Variants in KIAA1217 observed in about 807,000 individuals in gnomAD.
KIAA1217 encodes the protein sickle tail protein homolog.
A neutral mutation model predicts 163.9 loss-of-function variants in KIAA1217; 88 were observed. That is an observed-to-expected ratio of 0.54 (90% CI 0.45 to 0.64). The LOEUF (loss-of-function observed/expected upper bound fraction) is 0.64, where lower values mean the gene tolerates loss of function less well. Ranked by LOEUF, KIAA1217 falls within the 30% of genes least tolerant of loss-of-function variation. KIAA1217 has a pLI of 0.00. For missense variants in KIAA1217, 2,372 were observed against 2,475.0 expected, an observed-to-expected ratio of 0.96 and a Z score of 0.88; for synonymous variants, 903 against 923.1, an observed-to-expected ratio of 0.98 and a Z score of 0.39.
At chr10:24,099,569 T>TTATATA (rs529207171) in intron 2 of KIAA1217, among the ~76,000 whole-genome samples, 237 of 144,192 alleles carry the variant, frequency 1.6e-3, no homozygotes, top group African/African-American at 4.4e-3. Context: ...CACATTTTCT[T>TTATATA]TATATATATA....
chr10:24,081,458 G>C (rs2061536657), intron 2 of KIAA1217, among the ~76,000 whole-genome samples: 1 of 152,334 alleles, frequency 6.6e-6, no homozygotes, highest in African/African-American at 2.4e-5. Context: ...GATGGCACCT[G>C]CTGAGGATCC....
chr10:24,025,949 A>C (rs992515806), intron 2 of KIAA1217, among the ~76,000 whole-genome samples: 5 of 151,856 alleles, frequency 3.3e-5, no homozygotes, highest in Non-Finnish European at 7.4e-5. Flanking sequence ...CGTTATTTAT[A>C]AATGACAATA....
At chr10:24,289,053 C>A (rs220353) in intron 2 of KIAA1217, among the ~76,000 whole-genome samples, 253 of 152,108 alleles carry the variant, frequency 1.7e-3, no homozygotes, top group African/African-American at 5.4e-3. Context: ...ACTTTTTACG[C>A]TTTTTTCTCT....
At chr10:24,092,940 G>A (rs1487749975) in intron 2 of KIAA1217, among the ~76,000 whole-genome samples, 1 of 150,804 alleles carries the variant, frequency 6.6e-6, no homozygotes, top group African/African-American at 2.5e-5. Flanking sequence ...GTGTGTGTGT[G>A]TGTGTGTGTG....
chr10:24,067,193 C>T (rs974001233), intron 2 of KIAA1217, among the ~76,000 whole-genome samples: 19 of 152,286 alleles, frequency 1.2e-4, no homozygotes, highest in South Asian at 1.0e-3. Flanking sequence ...TGAGGAGCTG[C>T]GTTCCTTTGG....
At chr10:24,303,690 G>A (rs957161926) in intron 2 of KIAA1217, among the ~76,000 whole-genome samples, 1 of 152,176 alleles carries the variant, frequency 6.6e-6, no homozygotes, top group Admixed American at 6.5e-5. Flanking sequence ...GACTACATTC[G>A]AAGTTCCTGT....
At chr10:23,887,773 G>T (rs1232049300) in intron 1 of KIAA1217, among the ~76,000 whole-genome samples, 2 of 151,646 alleles carry the variant, frequency 1.3e-5, no homozygotes, top group African/African-American at 4.8e-5. Flanking sequence ...AAGATGGATT[G>T]CAGTGGCACA....
chr10:24,154,393 C>T (rs1211172884), intron 2 of KIAA1217, among the ~76,000 whole-genome samples: 1 of 152,110 alleles, frequency 6.6e-6, no homozygotes, highest in Admixed American at 6.6e-5. Context: ...CGCCACTGCA[C>T]TCCAGCCTGG....
chr10:23,953,368 C>T (rs1263980282), intron 1 of KIAA1217, among the ~76,000 whole-genome samples: 2 of 152,196 alleles, frequency 1.3e-5, no homozygotes, highest in Admixed American at 6.5e-5. Flanking sequence ...CAGCTTAAGA[C>T]ATTATCTCAA....
At chr10:24,308,631 A>T (rs1209421724) in intron 2 of KIAA1217, among the ~76,000 whole-genome samples, 5 of 152,050 alleles carry the variant, frequency 3.3e-5, no homozygotes, top group Non-Finnish European at 7.4e-5. Context: ...AGCCAGAAAA[A>T]CCTGTGCGTA....
At chr10:24,133,303 T>C (rs1174257078) in intron 2 of KIAA1217, among the ~76,000 whole-genome samples, 3 of 152,164 alleles carry the variant, frequency 2.0e-5, no homozygotes, top group Admixed American at 6.5e-5. Context: ...CTAGGCACGG[T>C]GTCTCATGCT....
At chr10:23,955,119 G>A (rs894730668) in intron 1 of KIAA1217, among the ~76,000 whole-genome samples, 4 of 152,130 alleles carry the variant, frequency 2.6e-5, no homozygotes, top group Non-Finnish European at 4.4e-5. Flanking sequence ...CCACCTGATT[G>A]AAGCAGGCAA....
At chr10:23,896,201 T>A (rs924637548) in intron 1 of KIAA1217, among the ~76,000 whole-genome samples, 1 of 151,980 alleles carries the variant, frequency 6.6e-6, no homozygotes, top group African/African-American at 2.4e-5. Context: ...AATGGCTCCA[T>A]ATTTTCTTAC....
intron 2 of KIAA1217, among the ~76,000 whole-genome samples, chr10:24,334,750 A>ATT: frequency 6.6e-6 from 1 of 152,342 alleles, no homozygotes; most frequent in South Asian, 2.1e-4. Flanking sequence ...TAATATCTGC[A>ATT]AAATGAATGA....
chr10:23,844,499 G>A (rs1588931766), intron 1 of KIAA1217, among the ~76,000 whole-genome samples: 1 of 152,192 alleles, frequency 6.6e-6, no homozygotes, highest in East Asian at 1.9e-4. Flanking sequence ...CAAAACACAA[G>A]CCCAGTTTTC....
At chr10:24,421,409 A>T (rs1362138791) in intron 3 of KIAA1217, among the ~76,000 whole-genome samples, 1 of 152,258 alleles carries the variant, frequency 6.6e-6, no homozygotes, top group Non-Finnish European at 1.5e-5. Flanking sequence ...TATATTGAAT[A>T]GTTATAATAG....
At chr10:24,063,513 A>G (rs1329606321) in intron 2 of KIAA1217, among the ~76,000 whole-genome samples, 1 of 152,196 alleles carries the variant, frequency 6.6e-6, no homozygotes, top group Non-Finnish European at 1.5e-5. Flanking sequence ...CTGTTTTGGT[A>G]CCAGTACCAT....
chr10:24,258,067 G>A (rs948653774), intron 2 of KIAA1217, among the ~76,000 whole-genome samples: 1 of 152,120 alleles, frequency 6.6e-6, no homozygotes, highest in Non-Finnish European at 1.5e-5. Flanking sequence ...TATAATCCCA[G>A]CTACTTGGGA....
intron 2 of KIAA1217, among the ~76,000 whole-genome samples, chr10:24,346,733 G>A (rs373448161): frequency 3.5e-4 from 53 of 151,610 alleles, no homozygotes; most frequent in African/African-American, 1.2e-3. Context: ...CACCACACCC[G>A]GCTAATTTTT....
Sources: allele counts gnomAD v4.1 joint callset (sites outside exome capture counted in the v4.1 genomes callset), GRCh38; gene constraint gnomAD v4.1.1; transcripts MANE v1.5; gene names NCBI Gene and HGNC (gene_info 2026-07-23, HGNC 2026-07-21).